The following SEC24B variants were observed in gnomAD, a reference collection of about 807,000 sequenced individuals.
SEC24B encodes protein transport protein Sec24B.
A neutral mutation model predicts 142.8 loss-of-function variants in SEC24B; 45 were observed. That is an observed-to-expected ratio of 0.32 (90% CI 0.25 to 0.40). The LOEUF is 0.40. Among genes scored for constraint, SEC24B ranks in the 10% least tolerant of loss-of-function variants. SEC24B has a pLI of 1.00. For synonymous variants in SEC24B, 574 were observed against 568.2 expected (o/e 1.01, Z -0.15); for missense variants, 1,409 against 1,526.8 (o/e 0.92, Z 1.29).
intron 3 of SEC24B, among the ~76,000 whole-genome samples, 181 bp from the exon 4 acceptor site, chr4:109,481,496 C>G (rs1007998938): frequency 3.9e-5 from 6 of 152,192 alleles, no homozygotes; most frequent in African/African-American, 1.4e-4. Flanking sequence ...TTTTACTAAA[C>G]TGCTTTGCAG....
At position 109,449,447 on chromosome 4, in the gene SEC24B, G is replaced by A. The variant is rs1157782186; in HGVS notation, c.134-13454G>A. The A allele has an allele frequency of 9.0e-6, 4 of 442,812 alleles. 1 individual carries two copies. The highest frequency in any genetic ancestry group is 7.3e-5 in the Admixed American group (3 of 41,270). The allele number at this position is 442,812 out of a possible 1,614,324, so 27.4% of individuals were successfully genotyped here. On this transcript the variant is annotated intron_variant, in intron 1 of 23. Coordinates refer to ENST00000265175, the MANE Select transcript of SEC24B (RefSeq NM_006323.5). Reference sequence around the variant, plus strand: ...GGATTTCACCATGTTGCCCAAGCTAGTCTTGAACTCCTGGACCCAAGCAAT... The same window carrying A: ...GGATTTCACCATGTTGCCCAAGCTAATCTTGAACTCCTGGACCCAAGCAAT...
At chr4:109,475,113 C>T (rs556954760) in intron 3 of SEC24B, among the ~76,000 whole-genome samples, 1 of 152,278 alleles carries the variant, frequency 6.6e-6, no homozygotes, top group African/African-American at 2.4e-5. Flanking sequence ...TTGTCATTGG[C>T]TGTTGACAAA....
intron 4 of SEC24B, among the ~76,000 whole-genome samples, chr4:109,487,108 T>C (rs984735224): frequency 2.8e-5 from 4 of 144,462 alleles, no homozygotes; most frequent in African/African-American, 1.0e-4. Context: ...GAGGTTGCAG[T>C]GAGCTGAGAT....
chr4:109,460,561 G>A (rs866636738), intron 1 of SEC24B, among the ~76,000 whole-genome samples: 10 of 152,072 alleles, frequency 6.6e-5, no homozygotes, highest in African/African-American at 2.4e-4. Flanking sequence ...CAGATCATTG[G>A]TTAAGAGCAT....
chr4:109,478,701 A>C (rs1733427998), intron 3 of SEC24B, among the ~76,000 whole-genome samples: 2 of 152,220 alleles, frequency 1.3e-5, no homozygotes, highest in African/African-American at 2.4e-5. Context: ...TGTACTGTAT[A>C]ATAAGAGACT....
intron 5 of SEC24B, among the ~76,000 whole-genome samples, chr4:109,492,383 G>A (rs1443858359): frequency 1.3e-5 from 2 of 152,096 alleles, no homozygotes; most frequent in Non-Finnish European, 2.9e-5. Flanking sequence ...AGATCTTCTA[G>A]AAGAGTTGCT....
chr4:109,513,850 T>C lies in SEC24B; in HGVS notation c.2007T>C (p.Asp669=). The C allele has an allele frequency of 1.3e-6, 2 of 1,586,144 alleles. No homozygotes were observed. Among genetic ancestry groups the C allele is most frequent in the Non-Finnish European group, 1.7e-6 (2 of 1,154,684 alleles). The change falls in exon 10 of 24, where the codon GAT becomes GAC. Residue 669 remains aspartate (D), a synonymous_variant. Coordinates refer to ENST00000265175, the MANE Select transcript of SEC24B (RefSeq NM_006323.5). The stretch of plus-strand genomic sequence containing the variant: ...CTGTGGAGTTCATTGCTTCTTCAGA[T>C]TACATGGTAACTATTCAGTGTTAAG... The part of the protein sequence containing the change: ...NSTVEFIASS[D]YMLRPPQPAV...
chr4:109,463,762 T>TA (rs1301466128), intron 2 of SEC24B, 118 bp downstream of exon 2: 3 of 1,447,280 alleles, frequency 2.1e-6, no homozygotes, highest in Admixed American at 2.5e-5. Context: ...GGAAGTTTGC[T>TA]AATTTATTGT....
intron 1 of SEC24B, among the ~76,000 whole-genome samples, chr4:109,442,046 A>G (rs1728977339): frequency 6.6e-6 from 1 of 152,158 alleles, no homozygotes; most frequent in Non-Finnish European, 1.5e-5. Flanking sequence ...TGAAATCACC[A>G]AGGTTTGTAA....
At position 109,481,794 on chromosome 4, in the gene SEC24B, T is replaced by G. The variant is rs1404557132; in HGVS notation, c.1165+13T>G. ...GATGAGGAAGCAGGTCTGCTTTAGC[T>G]TTACACCAGTTCTTGATCTTTTCCT... On this transcript the variant is annotated intron_variant, in intron 4 of 23. Coordinates refer to ENST00000265175, the MANE Select transcript of SEC24B (RefSeq NM_006323.5). 6.3e-7 allele frequency: 1 copy of G among 1,583,192 alleles called. No homozygotes were observed. Among genetic ancestry groups the G allele is most frequent in the East Asian group, 2.2e-5 (1 of 44,728 alleles).
chr4:109,454,462 C>A (rs1400286787), intron 1 of SEC24B, among the ~76,000 whole-genome samples: 1 of 151,874 alleles, frequency 6.6e-6, no homozygotes, highest in Non-Finnish European at 1.5e-5. Flanking sequence ...TCACTTGAAC[C>A]CTCAGGTGGA....
chr4:109,496,254 A>G (rs1735531708), intron 6 of SEC24B, among the ~76,000 whole-genome samples: 1 of 151,988 alleles, frequency 6.6e-6, no homozygotes. Flanking sequence ...CTGTGATTAC[A>G]GGTGCCCACC....
chr4:109,482,625 TA>T (rs1377628598), intron 4 of SEC24B, among the ~76,000 whole-genome samples: 2 of 152,006 alleles, frequency 1.3e-5, no homozygotes, highest in Non-Finnish European at 2.9e-5. Flanking sequence ...GTACTATATA[TA>T]TTTTTTTATT....
intron 4 of SEC24B, among the ~76,000 whole-genome samples, chr4:109,487,962 G>GAGT (rs1372953747): frequency 6.6e-6 from 1 of 152,050 alleles, no homozygotes; most frequent in Non-Finnish European, 1.5e-5. Flanking sequence ...CATCTTAACT[G>GAGT]AGTAGTAGTA....
chr4:109,486,721 A>G (rs1484456009), intron 4 of SEC24B, among the ~76,000 whole-genome samples: 1 of 152,224 alleles, frequency 6.6e-6, no homozygotes, highest in African/African-American at 2.4e-5. Flanking sequence ...ACAAGTACCA[A>G]AGCCATTGAT....
intron 11 of SEC24B, among the ~76,000 whole-genome samples, chr4:109,519,479 G>T (rs1723369764): frequency 6.6e-6 from 1 of 152,208 alleles, no homozygotes; most frequent in African/African-American, 2.4e-5. Flanking sequence ...AAACTTCTTT[G>T]AGAAAGAAGA....
At chr4:109,469,318 T>C (rs1013324104) in intron 2 of SEC24B, among the ~76,000 whole-genome samples, 10 of 152,120 alleles carry the variant, frequency 6.6e-5, no homozygotes, top group Admixed American at 2.0e-4. Flanking sequence ...TAGTAGACCT[T>C]GTCTCCATTC....
chr4:109,476,383 C>G (rs536526347), intron 3 of SEC24B, among the ~76,000 whole-genome samples: 2 of 152,192 alleles, frequency 1.3e-5, no homozygotes, highest in Admixed American at 1.3e-4. Flanking sequence ...ATTGGAAATA[C>G]ATCTTTCAGT....
At chr4:109,520,680 A>G (rs550209879) in intron 12 of SEC24B, among the ~76,000 whole-genome samples, 196 bp downstream of exon 12, 17 of 152,322 alleles carry the variant, frequency 1.1e-4, no homozygotes, top group Non-Finnish European at 2.4e-4. Flanking sequence ...TATAATATAT[A>G]CAGAGTGTGT....
Sources: gnomAD v4.1 joint callset for allele counts (sites outside exome capture counted in the v4.1 genomes callset) on GRCh38, gnomAD v4.1.1 for gene constraint, MANE v1.5 for transcripts, NCBI Gene and HGNC (gene_info 2026-07-23, HGNC 2026-07-21) for gene names.